The following RNLS variants were observed in gnomAD, a reference collection of about 807,000 sequenced individuals.
RNLS encodes renalase, FAD dependent amine oxidase, also known as renalase.
Under a neutral mutation model 39.8 loss-of-function variants are expected in RNLS, and 39 were observed. That is an observed-to-expected ratio of 0.98 (90% CI 0.76 to 1.28). The LOEUF (loss-of-function observed/expected upper bound fraction) is 1.28. Ranked by LOEUF, RNLS falls within the 50% of genes most tolerant of loss-of-function variation. The pLI is 0.00. For synonymous variants in RNLS, 147 were observed against 150.7 expected (o/e 0.98, Z 0.18); for missense variants, 410 against 413.3 (o/e 0.99, Z 0.07).
At chr10:88,436,813 AGT>A (rs1220536016) in intron 4 of RNLS, among the ~76,000 whole-genome samples, 1 of 152,214 alleles carries the variant, frequency 6.6e-6, no homozygotes, top group Admixed American at 6.5e-5. Flanking sequence ...TTCATAAAGA[AGT>A]CAGCCAACTA....
At chr10:88,279,158 T>G (rs1842920283), downstream of RNLS, among the ~76,000 whole-genome samples, 1 of 151,768 alleles carries the variant, frequency 6.6e-6, no homozygotes. Flanking sequence ...CATTCAAGAG[T>G]CAGTAAGAAT....
chr10:88,279,253 C>A (rs1297174124), downstream of RNLS, among the ~76,000 whole-genome samples: 2 of 152,146 alleles, frequency 1.3e-5, no homozygotes, highest in Non-Finnish European at 2.9e-5. Context: ...CTAGCTAGAT[C>A]TAAAGCTACC....
intron 4 of RNLS, among the ~76,000 whole-genome samples, chr10:88,388,882 T>C (rs1271481683): frequency 6.6e-6 from 1 of 152,172 alleles, no homozygotes; most frequent in African/African-American, 2.4e-5. Context: ...TAACTATGTG[T>C]CGAATGAATA....
chr10:88,279,958 T>C (rs1411122182), downstream of RNLS, among the ~76,000 whole-genome samples: 2 of 152,122 alleles, frequency 1.3e-5, no homozygotes, highest in African/African-American at 4.8e-5. Context: ...AACCTAGAGC[T>C]TTTAAGCTTC....
chr10:88,421,842 C>T (rs574085392), intron 4 of RNLS, among the ~76,000 whole-genome samples: 7 of 152,228 alleles, frequency 4.6e-5, no homozygotes, highest in African/African-American at 1.7e-4. Flanking sequence ...GTCATTCTTC[C>T]ACCTAGAACA....
At chr10:88,175,857 G>A in the RNLS span, among the ~76,000 whole-genome samples, 1 of 152,068 alleles carries the variant, frequency 6.6e-6, no homozygotes, top group South Asian at 2.1e-4. Context: ...CCCTGCTATT[G>A]TATTGGAGTC....
chr10:88,324,384 A>G (rs1008387793), intron 5 of RNLS, among the ~76,000 whole-genome samples: 2 of 151,690 alleles, frequency 1.3e-5, no homozygotes, highest in African/African-American at 2.4e-5. Context: ...TACATACACC[A>G]CAGAATACTA....
chr10:88,446,174 T>G (rs1319604977), intron 4 of RNLS, among the ~76,000 whole-genome samples: 3 of 151,878 alleles, frequency 2.0e-5, no homozygotes, highest in African/African-American at 7.3e-5. Context: ...TCAAAACCGC[T>G]CAACTACATG....
chr10:88,570,989 G>GTTT (rs144516764), intron 4 of RNLS, among the ~76,000 whole-genome samples: 3 of 126,554 alleles, frequency 2.4e-5, no homozygotes, highest in Non-Finnish European at 3.7e-5. Context: ...TTTTTGGTTT[G>GTTT]TTTTTTTTTT....
chr10:88,243,415 G>A, the RNLS span, among the ~76,000 whole-genome samples: 1 of 152,212 alleles, frequency 6.6e-6, no homozygotes, highest in Non-Finnish European at 1.5e-5. Context: ...CAGTTTGGGA[G>A]TCTTGAGTTC....
At position 88,416,920 on chromosome 10, in the gene RNLS, G is replaced by A. The variant is rs578256171; in HGVS notation, c.527-54195C>T. On this transcript the variant is annotated intron_variant, in intron 4 of 6. Transcript: ENST00000331772. ...CACTTAACATCTGGAGCTTAATTAA[G>A]GGCAAAGATCAAATCTTAAAAAAGT... is the stretch of plus-strand genomic sequence containing the variant. 2.6e-5 allele frequency among the ~76,000 whole-genome samples: 4 copies of A among 152,288 alleles called. No individual in the cohort carries two copies. The South Asian group carries it at 8.3e-4, about 32-fold the overall frequency.
chr10:88,177,200 A>G, the RNLS span, among the ~76,000 whole-genome samples: 1 of 152,162 alleles, frequency 6.6e-6, no homozygotes, highest in Non-Finnish European at 1.5e-5. Flanking sequence ...CTTTCTTCTG[A>G]AACTTCCATT....
intron 4 of RNLS, among the ~76,000 whole-genome samples, chr10:88,367,802 T>C (rs908054855): frequency 6.6e-6 from 1 of 152,156 alleles, no homozygotes; most frequent in Non-Finnish European, 1.5e-5. Context: ...GTCATTCATA[T>C]ATGCTTTTGT....
intron 4 of RNLS, among the ~76,000 whole-genome samples, chr10:88,396,418 A>G (rs142924214): frequency 6.6e-6 from 1 of 151,720 alleles, no homozygotes; most frequent in Non-Finnish European, 1.5e-5. Flanking sequence ...ATTGTTGTAA[A>G]TTAAGATATT....
At chr10:88,582,117 AT>A in intron 2 of RNLS, 84 bp downstream of exon 2, 2 of 1,071,904 alleles carry the variant, frequency 1.9e-6, no homozygotes, top group South Asian at 3.2e-5. Context: ...ACTATGTTCC[AT>A]TTATCAGCTA....
chr10:88,419,397 C>T (rs1386461550), intron 4 of RNLS, among the ~76,000 whole-genome samples: 1 of 152,206 alleles, frequency 6.6e-6, no homozygotes, highest in Non-Finnish European at 1.5e-5. Context: ...TCAGGGGCCA[C>T]TCTCCCAGGA....
At chr10:88,387,242 G>T (rs1045984416) in intron 4 of RNLS, among the ~76,000 whole-genome samples, 1 of 152,132 alleles carries the variant, frequency 6.6e-6, no homozygotes, top group African/African-American at 2.4e-5. Flanking sequence ...TGGGAGAAGT[G>T]GGGAGCAGAG....
In RNLS at chr10:88,524,976, T is replaced by C. The variant is rs1483853574; in HGVS notation, c.526+47927A>G. On this transcript the variant is annotated intron_variant, in intron 4 of 6. Coordinates refer to ENST00000331772, the MANE Select transcript of RNLS (RefSeq NM_001031709.3). The stretch of plus-strand genomic sequence containing the variant: ...ACACACATACATATATATATATATA[T>C]ATATATATATATATATATATATACA... Among the ~76,000 whole-genome samples, 967 of 131,052 alleles carry C rather than the reference T, an allele frequency of 7.4e-3. 44 individuals are homozygous for C. Among genetic ancestry groups the C allele is most frequent in the African/African-American group, 0.024 (874 of 36,084 alleles). The allele number at this position is 131,052 out of a possible 152,430, so 86.0% of individuals were successfully genotyped here. A position where few individuals can be genotyped will look rare whatever the true frequency, so the allele number is the denominator to read the frequency against.
chr10:88,355,493 C>T (rs1417817963), intron 5 of RNLS, among the ~76,000 whole-genome samples: 1 of 152,154 alleles, frequency 6.6e-6, no homozygotes, highest in Non-Finnish European at 1.5e-5. Flanking sequence ...AGACCGTTTG[C>T]CTGGGTATCA....
Sources: gnomAD v4.1 joint callset for allele counts (sites outside exome capture counted in the v4.1 genomes callset) on GRCh38, gnomAD v4.1.1 for gene constraint, MANE v1.5 for transcripts, NCBI Gene and HGNC (gene_info 2026-07-23, HGNC 2026-07-21) for gene names.